Variants in ENTPD1 observed in about 807,000 individuals in gnomAD.
ENTPD1 encodes the protein ATP diphosphohydrolase.
A neutral mutation model predicts 57.0 loss-of-function variants in ENTPD1; 33 were observed. The observed-to-expected ratio is 0.58, with a 90% confidence interval of 0.44 to 0.77. ENTPD1 has a LOEUF of 0.77. ENTPD1 is among the 30% of genes least tolerant of loss of function. The pLI is 0.00. For synonymous variants in ENTPD1, 202 were observed against 218.8 expected (o/e 0.92, Z 0.68); for missense variants, 501 against 603.4 (o/e 0.83, Z 1.78).
At chr10:95,774,089 G>C (rs1418426232) in intron 1 of ENTPD1, among the ~76,000 whole-genome samples, 2 of 152,204 alleles carry the variant, frequency 1.3e-5, no homozygotes, top group Non-Finnish European at 2.9e-5. Flanking sequence ...GACCAGTGAT[G>C]ATGAGCATTT....
intron 1 of ENTPD1, among the ~76,000 whole-genome samples, chr10:95,811,074 T>G (rs2140445148): frequency 6.6e-6 from 1 of 152,352 alleles, no homozygotes; most frequent in African/African-American, 2.4e-5. Flanking sequence ...CATAGACATT[T>G]AATTGCATGA....
chr10:95,830,578 G>A (rs1001428852), intron 2 of ENTPD1, among the ~76,000 whole-genome samples: 17 of 152,124 alleles, frequency 1.1e-4, no homozygotes, highest in African/African-American at 2.4e-4. Flanking sequence ...GGCTGAGGCC[G>A]GCAGATCACT....
At chr10:95,703,625 T>C in the ENTPD1 span, among the ~76,000 whole-genome samples, 1 of 149,850 alleles carries the variant, frequency 6.7e-6, no homozygotes, top group Admixed American at 6.7e-5. Context: ...CTACTGAAAA[T>C]ACAAAAATTA....
At chr10:95,762,569 G>A (rs2098070038) in intron 1 of ENTPD1, among the ~76,000 whole-genome samples, 1 of 152,126 alleles carries the variant, frequency 6.6e-6, no homozygotes, top group Admixed American at 6.5e-5. Context: ...CGTGGTCTTT[G>A]TTAGCGTAAT....
chr10:95,763,152 T>C (rs1466566461), intron 1 of ENTPD1, among the ~76,000 whole-genome samples: 1 of 152,102 alleles, frequency 6.6e-6, no homozygotes, highest in Non-Finnish European at 1.5e-5. Context: ...CTCAAACTCC[T>C]GGACTCAAGT....
intron 7 of ENTPD1, among the ~76,000 whole-genome samples, chr10:95,852,065 A>G (rs1364725025): frequency 2.0e-5 from 3 of 152,084 alleles, no homozygotes; most frequent in South Asian, 4.1e-4. Context: ...AAGTGTTCCT[A>G]TTTCTCCACA....
At chr10:95,710,641 T>C (rs995774120), upstream of ENTPD1, among the ~76,000 whole-genome samples, 1 of 152,180 alleles carries the variant, frequency 6.6e-6, no homozygotes, top group African/African-American at 2.4e-5. Context: ...TTAAAAATTT[T>C]TCTTTAGCCA....
rs1566277474 is a variant in ENTPD1, at chr10:95,875,961, A to G, written c.*9578A>G. 1 of 985,422 alleles carries G rather than the reference A, an allele frequency of 1.0e-6. No homozygotes were observed. Among genetic ancestry groups the G allele is most frequent in the Non-Finnish European group, 1.2e-6 (1 of 829,918 alleles). 61.0% of individuals were successfully genotyped at this position (985,422 alleles called of 1,614,324 possible). On this transcript the variant is annotated 3_prime_UTR_variant, in exon 10 of 10. Coordinates refer to ENST00000371205, the MANE Select transcript of ENTPD1 (RefSeq NM_001776.6). ...ATTTGGGTGGGGACACAGCCAAACC[A>G]TATCAATGATTTTGTACTTTAACCA...
At chr10:95,713,020 C>CGA (rs2097967524) in intron 1 of ENTPD1, among the ~76,000 whole-genome samples, 1 of 138,272 alleles carries the variant, frequency 7.2e-6, no homozygotes, top group Non-Finnish European at 1.5e-5. Context: ...GGCGACAGAG[C>CGA]GAGATTCTGT....
At chr10:95,831,367 C>A (rs7915682) in intron 2 of ENTPD1, among the ~76,000 whole-genome samples, 1 of 152,180 alleles carries the variant, frequency 6.6e-6, no homozygotes, top group South Asian at 2.1e-4. Context: ...TTTGAATCTT[C>A]GCTGTGCTCT....
At chr10:95,807,984 C>T (rs1254224842) in intron 1 of ENTPD1, among the ~76,000 whole-genome samples, 3 of 152,286 alleles carry the variant, frequency 2.0e-5, no homozygotes, top group African/African-American at 7.2e-5. Context: ...AGAGGACATC[C>T]TTGCCTTGTG....
Position 95,823,245 on chromosome 10 carries a change from G to C in ENTPD1, c.25G>C (p.Val9Leu). 6.2e-7 allele frequency: 1 copy of C among 1,614,034 alleles called. No individual in the cohort carries two copies. Among genetic ancestry groups the C allele is most frequent in the Non-Finnish European group, 8.5e-7 (1 of 1,179,948 alleles). The change falls in exon 2 of 10, where the codon GTG becomes CTG. Residue 9 changes from valine to leucine, a missense_variant. Val to Leu is a conservative substitution (Grantham distance 32, BLOSUM62 1). Coordinates refer to ENST00000371205, the MANE Select transcript of ENTPD1 (RefSeq NM_001776.6). Reference protein sequence around the residue: MEDTKESNVKTFCSKNILA... With the variant: MEDTKESNLKTFCSKNILA... ...TCTGCTTTTGGTTTTAGAGTCTAAC[G>C]TGAAGACATTTTGCTCCAAGAATAT...
At chr10:95,836,214 T>G (rs2098409291) in intron 2 of ENTPD1, among the ~76,000 whole-genome samples, 1 of 152,214 alleles carries the variant, frequency 6.6e-6, no homozygotes, top group African/African-American at 2.4e-5. Flanking sequence ...CCATGCTGTT[T>G]TAGTTATCAT....
At chr10:95,697,661 T>C in the ENTPD1 span, among the ~76,000 whole-genome samples, 1 of 152,196 alleles carries the variant, frequency 6.6e-6, no homozygotes, top group African/African-American at 2.4e-5. Context: ...TTCCTCACCA[T>C]GTGATGCCCT....
chr10:95,793,344 A>C (rs2098213321), intron 1 of ENTPD1, among the ~76,000 whole-genome samples: 1 of 152,206 alleles, frequency 6.6e-6, no homozygotes, highest in Non-Finnish European at 1.5e-5. Flanking sequence ...TGTTTATAAA[A>C]AATAATGAAG....
chr10:95,754,989 G>A (rs2098018747), upstream of ENTPD1: 5 of 152,166 alleles, frequency 3.3e-5, no homozygotes, highest in Admixed American at 3.3e-4. Flanking sequence ...CAAATTTAAT[G>A]ATTTATATGG....
intron 7 of ENTPD1, among the ~76,000 whole-genome samples, chr10:95,856,508 A>G (rs1462390483): frequency 6.6e-6 from 1 of 152,142 alleles, no homozygotes; most frequent in Non-Finnish European, 1.5e-5. Flanking sequence ...TACCCAGAGG[A>G]AAATAAGTCA....
chr10:95,809,857 A>G (rs181810194), intron 1 of ENTPD1, among the ~76,000 whole-genome samples: 1 of 139,664 alleles, frequency 7.2e-6, no homozygotes, highest in Non-Finnish European at 1.5e-5. Flanking sequence ...GATGCTCCTC[A>G]CTTCCCAGAT....
rs1360351951 is a variant in ENTPD1, at chr10:95,733,388, G to A, written c.37+21395G>A. On this transcript the variant is annotated intron_variant, in intron 1 of 9. Transcript: ENST00000453258. ...AAACACACATGGTTACAAACAATTT[G>A]TGCAGTTAACGCAATCATGACAGGA... 3.9e-5 allele frequency among the ~76,000 whole-genome samples: 6 copies of A among 152,224 alleles called. No homozygotes were observed. In the South Asian group the frequency reaches 1.0e-3, roughly 26 times the overall value.
Sources: allele counts gnomAD v4.1 joint callset (sites outside exome capture counted in the v4.1 genomes callset), GRCh38; gene constraint gnomAD v4.1.1; transcripts MANE v1.5; gene names NCBI Gene and HGNC (gene_info 2026-07-23, HGNC 2026-07-21).